SYTL5: variants seen among roughly 807,000 people sequenced by gnomAD.
SYTL5 encodes synaptotagmin-like protein 5.
In SYTL5, 34 loss-of-function variants were observed where a neutral mutation model predicts 55.9. The observed-to-expected ratio is 0.61, with a 90% confidence interval of 0.46 to 0.81. SYTL5 has a LOEUF of 0.81. SYTL5 is among the 30% of genes least tolerant of loss of function. The pLI, the probability that SYTL5 is intolerant of heterozygous loss-of-function variation, is 0.00. For synonymous variants in SYTL5, 221 were observed against 188.7 expected (o/e 1.17, Z -1.40); for missense variants, 637 against 546.7 (o/e 1.17, Z -1.65).
the SYTL5 span, among the ~76,000 whole-genome samples, chrX:37,909,080 T>C: frequency 2.7e-5 from 3 of 110,764 alleles, no homozygotes; most frequent in South Asian, 1.2e-3. Flanking sequence ...ACCTTCTCTA[T>C]ACCTGTACTG....
intron 15 of SYTL5, among the ~76,000 whole-genome samples, chrX:38,122,533 A>C (rs956229205): frequency 1.8e-5 from 2 of 112,471 alleles, no homozygotes; most frequent in Non-Finnish European, 3.8e-5. Context: ...ATGTATTTAT[A>C]TTGTTCTTTA....
intron 2 of SYTL5, among the ~76,000 whole-genome samples, chrX:38,043,100 A>C (rs867452625): frequency 2.7e-5 from 3 of 111,715 alleles, no homozygotes; most frequent in African/African-American, 6.5e-5. Flanking sequence ...GAAATTAATA[A>C]AATTCTTACA....
At chrX:37,991,004 C>T in the SYTL5 span, 1 of 1,212,025 alleles carries the variant, frequency 8.3e-7, no homozygotes, top group Non-Finnish European at 1.1e-6. Context: ...CCCTCCTTAC[C>T]TTGCTCGATT....
the SYTL5 span, among the ~76,000 whole-genome samples, chrX:37,941,791 A>G: frequency 8.9e-6 from 1 of 112,536 alleles, no homozygotes; most frequent in South Asian, 3.7e-4. Context: ...CACATCAAGG[A>G]CTGAAGCATT....
intron 1 of SYTL5, among the ~76,000 whole-genome samples, chrX:38,032,631 G>A (rs1271481382): frequency 1.8e-5 from 2 of 111,153 alleles, no homozygotes; most frequent in African/African-American, 6.6e-5. Context: ...TACTATGAAT[G>A]TAGGCATTTC....
chrX:37,977,204 G>A, the SYTL5 span, among the ~76,000 whole-genome samples: 357 of 111,172 alleles, frequency 3.2e-3, 1 homozygote, highest in African/African-American at 0.011. Flanking sequence ...AGACCTGTAA[G>A]CATGCAAGAA....
At chrX:38,101,245 G>A (rs1460417991) in intron 9 of SYTL5, among the ~76,000 whole-genome samples, 1 of 111,119 alleles carries the variant, frequency 9.0e-6, no homozygotes, top group Middle Eastern at 4.2e-3. Flanking sequence ...GAGGGGAGAA[G>A]GGGCTTGTGA....
At chrX:38,051,705 T>C (rs1160831621) in intron 2 of SYTL5, among the ~76,000 whole-genome samples, 1 of 111,606 alleles carries the variant, frequency 9.0e-6, no homozygotes, top group Non-Finnish European at 1.9e-5. Context: ...AGAAAAGTTA[T>C]GCTTCATTGC....
At chrX:37,931,672 G>C in the SYTL5 span, among the ~76,000 whole-genome samples, 4 of 111,730 alleles carry the variant, frequency 3.6e-5, no homozygotes, top group African/African-American at 9.7e-5. Flanking sequence ...ATATATAGTA[G>C]GTGCTCCAAA....
At chrX:38,033,042 T>A (rs964509441) in intron 1 of SYTL5, among the ~76,000 whole-genome samples, 1 of 112,282 alleles carries the variant, frequency 8.9e-6, no homozygotes, top group Non-Finnish European at 1.9e-5. Context: ...TAATTTTTTT[T>A]ATTCAGCAGT....
intron 2 of SYTL5, among the ~76,000 whole-genome samples, chrX:38,044,395 T>A (rs1324476532): frequency 8.9e-6 from 1 of 112,152 alleles, no homozygotes; most frequent in Non-Finnish European, 1.9e-5. Context: ...ACATTTAAAA[T>A]AATTTAGTTT....
chrX:37,957,900 T>C, the SYTL5 span, among the ~76,000 whole-genome samples: 2 of 112,347 alleles, frequency 1.8e-5, no homozygotes, highest in Admixed American at 9.4e-5. Flanking sequence ...CAATTTTCTG[T>C]TGCTATCACA....
At chrX:38,041,021 G>T (rs922824475) in intron 2 of SYTL5, among the ~76,000 whole-genome samples, 1 of 111,736 alleles carries the variant, frequency 8.9e-6, no homozygotes, top group Non-Finnish European at 1.9e-5. Flanking sequence ...GTTGAAATGC[G>T]CCACTAAATA....
intron 13 of SYTL5, among the ~76,000 whole-genome samples, chrX:38,114,248 T>C (rs903133484): frequency 8.9e-6 from 1 of 111,865 alleles, no homozygotes; most frequent in African/African-American, 3.3e-5. Context: ...CTCATACTGC[T>C]TTCTCAACCT....
chrX:38,035,435 C>CA (rs761642886), intron 2 of SYTL5, among the ~76,000 whole-genome samples: 1 of 111,187 alleles, frequency 9.0e-6, no homozygotes, highest in African/African-American at 3.3e-5. Flanking sequence ...ACTAAAAATA[C>CA]AAAAAATTAG....
chrX:38,054,325 G>A lies in SYTL5; in HGVS notation c.232G>A (p.Gly78Arg), dbSNP rs1383385349. The A allele has an allele frequency of 9.1e-6, 11 of 1,209,163 alleles. No individual in the cohort carries two copies. In the East Asian group the frequency reaches 3.3e-4, roughly 36 times the overall value. The change falls in exon 3 of 17, where the codon GGA becomes AGA. Residue 78 changes from glycine to arginine, a missense_variant. Gly to Arg is a moderately radical substitution (Grantham distance 125). Transcript: ENST00000297875. ...HRNLGLIFDR[G>R]DPCQACSLRV... ...AAACCTGGGCCTAATCTTTGACCGGGGAGACCCTTGTCAGGCTTGCTCACT... is the reference window on the plus strand; with the variant it reads ...AAACCTGGGCCTAATCTTTGACCGGAGAGACCCTTGTCAGGCTTGCTCACT...
intron 12 of SYTL5, among the ~76,000 whole-genome samples, chrX:38,109,753 C>T (rs1039449591): frequency 2.8e-5 from 3 of 108,505 alleles, no homozygotes; most frequent in African/African-American, 1.0e-4. Flanking sequence ...AGCATGTGGC[C>T]CTGGATGATG....
At chrX:37,936,790 C>T in the SYTL5 span, among the ~76,000 whole-genome samples, 1 of 110,855 alleles carries the variant, frequency 9.0e-6, no homozygotes, top group Non-Finnish European at 1.9e-5. Context: ...GCCTGTAATC[C>T]CAACACTTTG....
At chrX:37,890,109 AT>A in the SYTL5 span, among the ~76,000 whole-genome samples, 50 of 110,721 alleles carry the variant, frequency 4.5e-4, no homozygotes, top group Non-Finnish European at 1.9e-4. Flanking sequence ...GCATGGCAAG[AT>A]AACGAAGGAA....
Sources: gnomAD v4.1 joint callset for allele counts (sites outside exome capture counted in the v4.1 genomes callset) on GRCh38, gnomAD v4.1.1 for gene constraint, MANE v1.5 for transcripts, NCBI Gene and HGNC (gene_info 2026-07-23, HGNC 2026-07-21) for gene names.